RAB4A: variants seen among roughly 807,000 people sequenced by gnomAD.
RAB4A encodes RAB4A, member RAS oncogene family, also known as ras-related protein Rab-4A.
A neutral mutation model predicts 34.5 loss-of-function variants in RAB4A; 20 were observed. The observed-to-expected ratio is 0.58, with a 90% confidence interval of 0.41 to 0.84. RAB4A has a LOEUF of 0.84. Ranked by LOEUF, RAB4A falls within the 40% of genes least tolerant of loss-of-function variation. RAB4A has a pLI of 0.00. For synonymous variants in RAB4A, 102 were observed against 100.0 expected (o/e 1.02, Z -0.12); for missense variants, 228 against 274.5 (o/e 0.83, Z 1.20).
Position 229,304,796 on chromosome 1 carries a change from G to C in RAB4A, c.*1003G>C. ...ATTAAGAAATTTCTTTATGGCTTCT[G>C]CTGAATACTTAAATGCCTTACTACA... On this transcript the variant is annotated 3_prime_UTR_variant, in exon 8 of 8. Coordinates refer to ENST00000366690, the MANE Select transcript of RAB4A (RefSeq NM_004578.4). 1 of 155,844 alleles carries C rather than the reference G, an allele frequency of 6.4e-6. No homozygotes were observed. The highest frequency in any genetic ancestry group is 1.4e-5 in the Non-Finnish European group (1 of 70,562). 9.7% of individuals were successfully genotyped at this position (155,844 alleles called of 1,614,324 possible).
intron 1 of RAB4A, among the ~76,000 whole-genome samples, chr1:229,274,534 A>C (rs1330987594): frequency 6.6e-6 from 1 of 152,222 alleles, no homozygotes; most frequent in Non-Finnish European, 1.5e-5. Flanking sequence ...AAACAAATTG[A>C]AATCTTAGGT....
chr1:229,283,291 A>G (rs1383618518), intron 1 of RAB4A, among the ~76,000 whole-genome samples: 2 of 152,210 alleles, frequency 1.3e-5, no homozygotes, highest in Non-Finnish European at 2.9e-5. Flanking sequence ...GCCAGCAGAG[A>G]TGAAAGCCCT....
intron 4 of RAB4A, among the ~76,000 whole-genome samples, chr1:229,296,424 A>C (rs1657251770): frequency 6.6e-6 from 1 of 152,196 alleles, no homozygotes; most frequent in African/African-American, 2.4e-5. Context: ...GGGAGGTTTA[A>C]ATTAGTTAAT....
intron 1 of RAB4A, among the ~76,000 whole-genome samples, chr1:229,277,398 C>G (rs186835732): frequency 1.3e-5 from 2 of 151,212 alleles, no homozygotes; most frequent in Non-Finnish European, 2.9e-5. Context: ...TCTTCCCGCT[C>G]CTCTACAGGT....
chr1:229,272,979 C>A (rs1190923821), intron 1 of RAB4A, among the ~76,000 whole-genome samples: 1 of 152,186 alleles, frequency 6.6e-6, no homozygotes, highest in Non-Finnish European at 1.5e-5. Context: ...TGTAGAGAAC[C>A]ACAGTCAGAA....
intron 5 of RAB4A, among the ~76,000 whole-genome samples, chr1:229,298,467 A>G (rs1657300070): frequency 6.6e-6 from 1 of 152,222 alleles, no homozygotes; most frequent in African/African-American, 2.4e-5. Context: ...AGCAAGCAGA[A>G]CAGGCCTTTC....
At chr1:229,295,489 A>T (rs991768702) in intron 3 of RAB4A, among the ~76,000 whole-genome samples, 3 of 152,036 alleles carry the variant, frequency 2.0e-5, no homozygotes, top group African/African-American at 7.2e-5. Flanking sequence ...TGTGCCAGGG[A>T]GTGGGGTAGA....
chr1:229,292,273 T>G (rs951066658), intron 3 of RAB4A, among the ~76,000 whole-genome samples: 6 of 152,160 alleles, frequency 3.9e-5, no homozygotes, highest in Non-Finnish European at 5.9e-5. Context: ...CAAAGTAGTA[T>G]TCTTAAATGT....
intron 1 of RAB4A, among the ~76,000 whole-genome samples, chr1:229,273,575 A>G (rs915974194): frequency 4.6e-5 from 7 of 152,304 alleles, no homozygotes; most frequent in African/African-American, 1.4e-4. Context: ...CCCCAGCCCT[A>G]TTAAAAATAC....
chr1:229,292,231 TAAAAG>T (rs1657106926), intron 3 of RAB4A, among the ~76,000 whole-genome samples: 1 of 145,218 alleles, frequency 6.9e-6, no homozygotes, highest in Non-Finnish European at 1.5e-5. Flanking sequence ...AATAAATAAA[TAAAAG>T]GAAAAAAAAA....
chr1:229,302,880 G>T lies in RAB4A; in HGVS notation c.560G>T (p.Arg187Ile), dbSNP rs759364022. ...KIESGELDPE[R>I]MGSGIQYGDA... is the part of the protein sequence containing the mutation. Reference sequence around the variant, plus strand: ...TCCTTAGGTGAGCTGGACCCAGAAAGAATGGGCTCAGGTATTCAGTACGGA... The same window carrying T: ...TCCTTAGGTGAGCTGGACCCAGAAATAATGGGCTCAGGTATTCAGTACGGA... The change falls in exon 7 of 8, where the codon AGA becomes ATA. Residue 187 changes from arginine to isoleucine, a missense_variant. By Grantham distance (97) the Arg-to-Ile change is moderately conservative. Coordinates refer to ENST00000366690, the MANE Select transcript of RAB4A (RefSeq NM_004578.4). 1 of 1,613,168 alleles carries T rather than the reference G, an allele frequency of 6.2e-7. No homozygotes were observed. The highest frequency in any genetic ancestry group is 1.3e-5 in the African/African-American group (1 of 74,742).
chr1:229,276,198 A>T (rs1206330841), intron 1 of RAB4A, among the ~76,000 whole-genome samples: 1 of 151,338 alleles, frequency 6.6e-6, no homozygotes, highest in Non-Finnish European at 1.5e-5. Context: ...CCAGTGGCTT[A>T]TCAAACTAAT....
At chr1:229,284,998 T>G (rs1656885584) in intron 1 of RAB4A, among the ~76,000 whole-genome samples, 1 of 152,158 alleles carries the variant, frequency 6.6e-6, no homozygotes, top group Admixed American at 6.5e-5. Flanking sequence ...ATTTTACTCT[T>G]TAACCTATCC....
chr1:229,283,924 C>G (rs1257810097), intron 1 of RAB4A, among the ~76,000 whole-genome samples: 1 of 150,390 alleles, frequency 6.6e-6, no homozygotes. Flanking sequence ...TTAATAGAGA[C>G]ATGGTTTCAT....
In RAB4A at chr1:229,288,884, A is replaced by G. The variant is rs762913989; in HGVS notation, c.227+41A>G. The G allele has an allele frequency of 2.6e-6, 3 of 1,157,714 alleles. No individual in the cohort carries two copies. In the Admixed American group the frequency reaches 5.5e-5, roughly 21 times the overall value. The allele number at this position is 1,157,714 out of a possible 1,614,324, so 71.7% of individuals were successfully genotyped here. On this transcript the variant is annotated intron_variant, in intron 3 of 7. Coordinates refer to ENST00000366690, the MANE Select transcript of RAB4A (RefSeq NM_004578.4). ...CTTAATAAAAATATTTGAAAATTTG[A>G]TTTAAAATAATTGATGATATTCTCT...
chr1:229,274,235 T>A (rs1343809755), intron 1 of RAB4A, among the ~76,000 whole-genome samples: 6 of 143,452 alleles, frequency 4.2e-5, no homozygotes, highest in African/African-American at 1.3e-4. Flanking sequence ...TTTTTTTTTT[T>A]AATTTTTTTT....
Position 229,295,878 on chromosome 1 carries a change from G to T in RAB4A, c.258G>T (p.Ala86=). 1 of 1,614,010 alleles carries T rather than the reference G, an allele frequency of 6.2e-7. No individual in the cohort carries two copies. The highest frequency in any genetic ancestry group is 8.5e-7 in the Non-Finnish European group (1 of 1,179,970). Residue 86 remains alanine, a synonymous_variant, in exon 4 of 8, where the codon GCG becomes GCT. Transcript: ENST00000366690. ...RSVTRSYYRG[A]AGALLVYDIT... ...TGACGAGAAGTTATTACCGAGGCGC[G>T]GCCGGGGCTCTCCTCGTCTATGATA...
At chr1:229,273,458 G>A (rs1656553932) in intron 1 of RAB4A, among the ~76,000 whole-genome samples, 1 of 152,198 alleles carries the variant, frequency 6.6e-6, no homozygotes, top group African/African-American at 2.4e-5. Context: ...TAGAAAATGA[G>A]GCCAGAGGTG....
intron 1 of RAB4A, among the ~76,000 whole-genome samples, chr1:229,280,742 C>G (rs1656758898): frequency 6.6e-6 from 1 of 152,216 alleles, no homozygotes; most frequent in South Asian, 2.1e-4. Context: ...TCCGTCACCA[C>G]AAGATCTCTC....
Sources: allele counts gnomAD v4.1 joint callset (sites outside exome capture counted in the v4.1 genomes callset), GRCh38; gene constraint gnomAD v4.1.1; transcripts MANE v1.5; gene names NCBI Gene and HGNC (gene_info 2026-07-23, HGNC 2026-07-21).